TTLL9: variants seen among roughly 807,000 people sequenced by gnomAD.
TTLL9 encodes the protein tubulin tyrosine ligase like 9, also known as probable tubulin polyglutamylase TTLL9.
In TTLL9, 47 loss-of-function variants were observed where a neutral mutation model predicts 65.6. The observed-to-expected ratio is 0.72, with a 90% confidence interval of 0.57 to 0.91. TTLL9 has a LOEUF of 0.91. Ranked by LOEUF, TTLL9 falls within the 40% of genes least tolerant of loss-of-function variation. The probability of loss-of-function intolerance (pLI) is 0.00; values close to 1 mark genes in which losing one functional copy is unlikely to be tolerated. For synonymous variants in TTLL9, 179 were observed against 204.8 expected, an observed-to-expected ratio of 0.87 and a Z score of 1.07; for missense variants, 537 against 568.8, an observed-to-expected ratio of 0.94 and a Z score of 0.57.
chr20:31,914,386 C>G (rs114650672), intron 6 of TTLL9, among the ~76,000 whole-genome samples: 1 of 152,060 alleles, frequency 6.6e-6, no homozygotes, highest in African/African-American at 2.4e-5. Flanking sequence ...ACATAATTGG[C>G]GTACAACAAG....
chr20:31,905,239 T>A (rs1216901503), intron 4 of TTLL9, among the ~76,000 whole-genome samples: 1 of 151,858 alleles, frequency 6.6e-6, no homozygotes, highest in Non-Finnish European at 1.5e-5. Context: ...CTGGGCTAGT[T>A]TTTGTGTTTT....
rs748398612 is a variant in TTLL9, at chr20:31,934,889, G to A, written c.1004+1G>A. On this transcript the variant is annotated splice_donor_variant, in intron 12 of 14. Transcript: ENST00000535842. LOFTEE classifies it high-confidence loss of function. The stretch of plus-strand genomic sequence containing the variant: ...TCCTCATCGACCAGGACCTCAAGCC[G>A]TAAGTGGGTGGGTGGGAGAGCCAGG... 1.8e-5 allele frequency: 29 copies of A among 1,607,072 alleles called. No individual in the cohort carries two copies. Among genetic ancestry groups the A allele is most frequent in the South Asian group, 1.1e-4 (10 of 90,332 alleles).
intron 3 of TTLL9, among the ~76,000 whole-genome samples, chr20:31,893,621 C>G (rs2063340095): frequency 6.6e-6 from 1 of 151,762 alleles, no homozygotes; most frequent in South Asian, 2.1e-4. Flanking sequence ...TCCACTCCCA[C>G]TCTCCACCAC....
chr20:31,871,538 G>A (rs1170091488), intron 2 of TTLL9, among the ~76,000 whole-genome samples: 6 of 152,198 alleles, frequency 3.9e-5, no homozygotes, highest in Admixed American at 3.9e-4. Context: ...ATAGTAGTAG[G>A]TGACTGGGGA....
intron 2 of TTLL9, among the ~76,000 whole-genome samples, chr20:31,880,269 GTCCA>G (rs893268938): frequency 2.6e-5 from 4 of 151,886 alleles, no homozygotes; most frequent in Non-Finnish European, 4.4e-5. Context: ...CCGTCCATCC[GTCCA>G]TCCATCCATC....
chr20:31,929,427 T>G (rs752896890), intron 10 of TTLL9, among the ~76,000 whole-genome samples: 1 of 152,206 alleles, frequency 6.6e-6, no homozygotes, highest in Non-Finnish European at 1.5e-5. Flanking sequence ...AAACCTTCTC[T>G]AGGCATATTT....
chr20:31,921,536 T>C (rs908198994), intron 7 of TTLL9, among the ~76,000 whole-genome samples: 1 of 152,194 alleles, frequency 6.6e-6, no homozygotes, highest in African/African-American at 2.4e-5. Context: ...ATGTTTATTG[T>C]GGCACTATTC....
At chr20:31,929,521 A>G (rs1039064873) in intron 10 of TTLL9, among the ~76,000 whole-genome samples, 3 of 152,030 alleles carry the variant, frequency 2.0e-5, no homozygotes, top group Admixed American at 6.5e-5. Context: ...CCTTTTATAT[A>G]TAAATGATCC....
chr20:31,923,200 A>G, intron 8 of TTLL9, 147 bp downstream of exon 8: 1 of 654,032 alleles, frequency 1.5e-6, no homozygotes, highest in East Asian at 2.8e-5. Context: ...GCAGTCTCCC[A>G]CCTCCTAGCC....
At position 31,943,330 on chromosome 20, in the gene TTLL9, TC is replaced by T. The variant is rs2064252844; in HGVS notation, c.*310del. 2.1e-5 allele frequency: 9 copies of T among 430,064 alleles called. No homozygotes were observed. The East Asian group carries it at 4.2e-4, about 20-fold the overall frequency. The allele number at this position is 430,064 out of a possible 1,614,324, so 26.6% of individuals were successfully genotyped here. ...AGCAAGTTCTGCTACCCCCAGGAGA[TC>T]ATATCTAATAAATGAGCACAGGCCC... On this transcript the variant is annotated 3_prime_UTR_variant, in exon 15 of 15. Coordinates refer to ENST00000535842, the MANE Select transcript of TTLL9 (RefSeq NM_001008409.5).
chr20:31,918,478 C>T (rs2063770560), intron 6 of TTLL9, among the ~76,000 whole-genome samples: 2 of 152,056 alleles, frequency 1.3e-5, no homozygotes, highest in Non-Finnish European at 2.9e-5. Context: ...CTAAAGTCAT[C>T]CTTCCACCTC....
intron 14 of TTLL9, chr20:31,941,176 CA>C (rs2064200250): frequency 6.7e-6 from 1 of 150,084 alleles, no homozygotes; most frequent in South Asian, 2.1e-4. Context: ...GAGATTGCGC[CA>C]CTGCACTCCA....
chr20:31,904,366 T>TC (rs1475570723), intron 4 of TTLL9, among the ~76,000 whole-genome samples: 7 of 144,154 alleles, frequency 4.9e-5, no homozygotes, highest in Non-Finnish European at 3.0e-5. Context: ...TTTTTTTTTT[T>TC]TTTTTTTTTG....
intron 2 of TTLL9, chr20:31,879,978 G>A: frequency 8.2e-7 from 1 of 1,214,450 alleles, no homozygotes; most frequent in Admixed American, 2.0e-5. Context: ...AAATCGGTTG[G>A]GGATGGGTGT....
At chr20:31,915,643 G>C (rs529897480) in intron 6 of TTLL9, among the ~76,000 whole-genome samples, 1 of 152,286 alleles carries the variant, frequency 6.6e-6, no homozygotes, top group South Asian at 2.1e-4. Context: ...AACTATCTCA[G>C]ATTTGTCACC....
chr20:31,912,954 T>C (rs2063678923), intron 6 of TTLL9, among the ~76,000 whole-genome samples: 1 of 152,060 alleles, frequency 6.6e-6, no homozygotes, highest in Non-Finnish European at 1.5e-5. Context: ...TCCCAGGAGC[T>C]TGAGACCAGC....
chr20:31,895,807 A>T (rs2063375859), intron 3 of TTLL9, among the ~76,000 whole-genome samples: 1 of 144,416 alleles, frequency 6.9e-6, no homozygotes, highest in Admixed American at 7.0e-5. Context: ...CAGTAAGGTT[A>T]TTCATGTATT....
intron 4 of TTLL9, among the ~76,000 whole-genome samples, chr20:31,902,691 T>G (rs1320556850): frequency 6.6e-6 from 1 of 152,212 alleles, no homozygotes; most frequent in Non-Finnish European, 1.5e-5. Flanking sequence ...CACTTTTTGT[T>G]GGTGTATACA....
rs551478067 is a variant in TTLL9, at chr20:31,943,076, C to A, written c.*55C>A. 2 of 1,513,408 alleles carry A rather than the reference C, an allele frequency of 1.3e-6. No individual in the cohort carries two copies. The highest frequency in any genetic ancestry group is 1.4e-5 in the African/African-American group (1 of 73,010). The allele number at this position is 1,513,408 out of a possible 1,614,324, so 93.7% of individuals were successfully genotyped here. A position where few individuals can be genotyped will look rare whatever the true frequency, so the allele number is the denominator to read the frequency against. Reference sequence around the variant, plus strand: ...AGCAGGTGCCACCCAGGCCTCCCCCCCACTCCCAGATCCCAGCACAGCACC... The same window carrying A: ...AGCAGGTGCCACCCAGGCCTCCCCCACACTCCCAGATCCCAGCACAGCACC... On this transcript the variant is annotated 3_prime_UTR_variant, in exon 15 of 15. Coordinates refer to ENST00000535842, the MANE Select transcript of TTLL9 (RefSeq NM_001008409.5).
Sources: allele counts gnomAD v4.1 joint callset (sites outside exome capture counted in the v4.1 genomes callset), GRCh38; gene constraint gnomAD v4.1.1; transcripts MANE v1.5; gene names NCBI Gene and HGNC (gene_info 2026-07-23, HGNC 2026-07-21).